The following SKAP1 variants were observed in gnomAD, a reference collection of about 807,000 sequenced individuals.
The protein encoded by SKAP1 is src kinase associated phosphoprotein 1.
In SKAP1, 44 loss-of-function variants were observed where a neutral mutation model predicts 58.5. The ratio of observed to expected loss-of-function variants is 0.75; its 90% CI spans 0.59 to 0.97. The LOEUF (loss-of-function observed/expected upper bound fraction) is 0.97, where lower values mean the gene tolerates loss of function less well. SKAP1 is among the 50% of genes least tolerant of loss of function. The pLI is 0.00. For missense variants in SKAP1, 390 were observed against 435.2 expected, an observed-to-expected ratio of 0.90 and a Z score of 0.92; for synonymous variants, 127 against 149.7, an observed-to-expected ratio of 0.85 and a Z score of 1.11.
intron 4 of SKAP1, among the ~76,000 whole-genome samples, chr17:48,287,362 A>AT (rs67933106): frequency 1.8e-4 from 27 of 150,744 alleles, no homozygotes; most frequent in Admixed American, 7.3e-4. Context: ...GGGTAATTAC[A>AT]TTTTTTTTTA....
chr17:48,139,553 C>T lies in SKAP1; in HGVS notation c.979-2216G>A, dbSNP rs530015026. 5.3e-5 allele frequency among the ~76,000 whole-genome samples: 8 copies of T among 152,290 alleles called. No homozygotes were observed. The South Asian group carries it at 1.7e-3, about 32-fold the overall frequency. ...TGGATTTGGGGTACCAAAGAGCTAA[C>T]TGCTTCTTTGTACACTTGGTTGCTG... On this transcript the variant is annotated intron_variant, in intron 11 of 12. Transcript: ENST00000336915.
intron 4 of SKAP1, among the ~76,000 whole-genome samples, chr17:48,277,041 C>G (rs984629353): frequency 6.6e-6 from 1 of 152,086 alleles, no homozygotes; most frequent in Non-Finnish European, 1.5e-5. Context: ...GAAATGTCTG[C>G]ACAATAATAT....
intron 1 of SKAP1, among the ~76,000 whole-genome samples, chr17:48,424,662 C>G (rs541738954): frequency 6.7e-6 from 1 of 150,324 alleles, no homozygotes; most frequent in African/African-American, 2.4e-5. Context: ...AGGCCAGGCA[C>G]GGTGGCTCAT....
At chr17:48,313,631 C>CT (rs993707953) in intron 4 of SKAP1, among the ~76,000 whole-genome samples, 8 of 152,118 alleles carry the variant, frequency 5.3e-5, no homozygotes, top group Admixed American at 5.2e-4. Flanking sequence ...TCACTAATCC[C>CT]TGTCTTTCAT....
chr17:48,186,276 A>T (rs1188522729), intron 6 of SKAP1, among the ~76,000 whole-genome samples: 1 of 152,100 alleles, frequency 6.6e-6, no homozygotes, highest in Non-Finnish European at 1.5e-5. Flanking sequence ...CTCAGTTTAC[A>T]AACTATGCTG....
intron 9 of SKAP1, among the ~76,000 whole-genome samples, chr17:48,171,555 G>C (rs535846843): frequency 1.1e-4 from 16 of 152,258 alleles, no homozygotes; most frequent in African/African-American, 3.9e-4. Flanking sequence ...AAACAAGACT[G>C]TCAGAGTTCC....
intron 4 of SKAP1, among the ~76,000 whole-genome samples, chr17:48,204,973 T>TTTTCTTTTCTTTCTTTCTTTC (rs71356522): frequency 0.12 from 8,910 of 77,006 alleles, 717 homozygotes; most frequent in East Asian, 0.14. Flanking sequence ...TTTTCTTTTC[T>TTTTCTTTTCTTTCTTTCTTTC]TTTCTTTCTT....
intron 4 of SKAP1, among the ~76,000 whole-genome samples, chr17:48,328,288 A>G (rs969899577): frequency 7.9e-5 from 12 of 152,260 alleles, no homozygotes; most frequent in African/African-American, 1.4e-4. Flanking sequence ...ATTACTTATT[A>G]TCAGGGGCTT....
intron 8 of SKAP1, among the ~76,000 whole-genome samples, chr17:48,181,805 A>T (rs1177268725): frequency 1.3e-5 from 2 of 152,086 alleles, no homozygotes; most frequent in Non-Finnish European, 1.5e-5. Context: ...TTCCCTGGCC[A>T]TTGTTTCTGC....
chr17:48,323,572 T>G (rs1407397884), intron 4 of SKAP1, among the ~76,000 whole-genome samples: 2 of 152,122 alleles, frequency 1.3e-5, no homozygotes, highest in African/African-American at 2.4e-5. Context: ...TCAAATTTAT[T>G]TAACAAGTAT....
chr17:48,190,389 G>T (rs1026233465), intron 4 of SKAP1, among the ~76,000 whole-genome samples: 5 of 152,192 alleles, frequency 3.3e-5, no homozygotes, highest in African/African-American at 4.8e-5. Flanking sequence ...TGGGATTACA[G>T]GCGTGAGCCA....
chr17:48,314,332 A>G (rs1262941923), intron 4 of SKAP1, among the ~76,000 whole-genome samples: 6 of 152,204 alleles, frequency 3.9e-5, no homozygotes, highest in Non-Finnish European at 8.8e-5. Flanking sequence ...AAGACTTGGA[A>G]AGAAAACACC....
At chr17:48,134,952 C>T (rs2063681594) in intron 12 of SKAP1, among the ~76,000 whole-genome samples, 1 of 152,200 alleles carries the variant, frequency 6.6e-6, no homozygotes, top group African/African-American at 2.4e-5. Flanking sequence ...GATCCACCTG[C>T]CTTGGCCTTG....
intron 8 of SKAP1, among the ~76,000 whole-genome samples, chr17:48,180,790 G>A (rs1479945847): frequency 6.6e-6 from 1 of 152,098 alleles, no homozygotes; most frequent in Non-Finnish European, 1.5e-5. Flanking sequence ...AAAGAAACGG[G>A]GTATGGAAAA....
At chr17:48,349,078 C>T (rs1358325937) in intron 3 of SKAP1, among the ~76,000 whole-genome samples, 3 of 152,148 alleles carry the variant, frequency 2.0e-5, no homozygotes, top group Non-Finnish European at 4.4e-5. Flanking sequence ...AGAAACAAGG[C>T]TATAATACCA....
chr17:48,318,557 G>A (rs1417693985), intron 4 of SKAP1, among the ~76,000 whole-genome samples: 2 of 152,136 alleles, frequency 1.3e-5, no homozygotes, highest in Non-Finnish European at 2.9e-5. Context: ...ATTTGTAACT[G>A]TCCTTTTAAA....
intron 4 of SKAP1, among the ~76,000 whole-genome samples, chr17:48,341,428 A>ATAATCT (rs545487646): frequency 1.7e-3 from 255 of 152,326 alleles, no homozygotes; most frequent in Non-Finnish European, 2.8e-3. Context: ...ATTATTATTC[A>ATAATCT]TAATCTTAAA....
At chr17:48,441,033 T>C in the SKAP1 span, among the ~76,000 whole-genome samples, 1 of 152,176 alleles carries the variant, frequency 6.6e-6, no homozygotes, top group African/African-American at 2.4e-5. Flanking sequence ...CTAATTCACA[T>C]GAGATGCTGG....
intron 4 of SKAP1, among the ~76,000 whole-genome samples, chr17:48,331,468 G>C (rs1033295687): frequency 6.6e-6 from 1 of 152,130 alleles, no homozygotes; most frequent in African/African-American, 2.4e-5. Context: ...GGGAGGCCAA[G>C]GTGGGCGGAT....
Sources: gnomAD v4.1 joint callset for allele counts (sites outside exome capture counted in the v4.1 genomes callset) on GRCh38, gnomAD v4.1.1 for gene constraint, MANE v1.5 for transcripts, NCBI Gene and HGNC (gene_info 2026-07-23, HGNC 2026-07-21) for gene names.